Variants in GRIA2 observed in about 807,000 individuals in gnomAD.
The protein encoded by GRIA2 is glutamate receptor 2.
A neutral mutation model predicts 97.3 loss-of-function variants in GRIA2; 14 were observed. The observed-to-expected ratio is 0.14, with a 90% CI of 0.10 to 0.23. GRIA2 has a LOEUF of 0.23. Ranked by LOEUF, GRIA2 falls within the 10% of genes least tolerant of loss-of-function variation. The probability of loss-of-function intolerance (pLI) is 1.00; values close to 1 mark genes in which losing one functional copy is unlikely to be tolerated. For missense variants in GRIA2, 558 were observed against 1,069.8 expected (o/e 0.52, Z 6.67); for synonymous variants, 412 against 387.8 (o/e 1.06, Z -0.73).
intron 2 of GRIA2, among the ~76,000 whole-genome samples, chr4:157,264,403 C>A (rs1731677762): frequency 6.6e-6 from 1 of 152,032 alleles, no homozygotes; most frequent in African/African-American, 2.4e-5. Context: ...CCAAATCCTG[C>A]AATGGAAGGC....
chr4:157,256,175 TTA>T (rs1261080535), intron 2 of GRIA2, among the ~76,000 whole-genome samples: 22 of 137,752 alleles, frequency 1.6e-4, no homozygotes, highest in Admixed American at 7.0e-4. Context: ...ATGTTATATA[TTA>T]TATATAATAT....
intron 2 of GRIA2, among the ~76,000 whole-genome samples, chr4:157,255,506 A>G (rs1731201644): frequency 6.6e-6 from 1 of 152,050 alleles, no homozygotes; most frequent in South Asian, 2.1e-4. Flanking sequence ...GGGTTTTACT[A>G]GTTTATATTC....
At chr4:157,334,643 C>G (rs1735203139) in intron 9 of GRIA2, 1 of 152,574 alleles carries the variant, frequency 6.6e-6, no homozygotes, top group Non-Finnish European at 1.5e-5. Context: ...TGAACTGGAT[C>G]TTCAACACCC....
intron 6 of GRIA2, among the ~76,000 whole-genome samples, chr4:157,325,559 G>C (rs1734766405): frequency 6.6e-6 from 1 of 152,136 alleles, no homozygotes; most frequent in South Asian, 2.1e-4. Context: ...ATTGATGGAG[G>C]TTGTCTTATT....
At chr4:157,310,768 T>C (rs928912612) in intron 3 of GRIA2, among the ~76,000 whole-genome samples, 1 of 152,082 alleles carries the variant, frequency 6.6e-6, no homozygotes, top group Non-Finnish European at 1.5e-5. Context: ...ACTCTTAGAA[T>C]GTAATGCAGT....
At chr4:157,266,887 T>C (rs1264691468) in intron 2 of GRIA2, among the ~76,000 whole-genome samples, 2 of 151,832 alleles carry the variant, frequency 1.3e-5, no homozygotes, top group Non-Finnish European at 2.9e-5. Context: ...AGTGAGACTC[T>C]GTCTCTACAA....
At chr4:157,280,858 T>C (rs1253915072) in intron 2 of GRIA2, among the ~76,000 whole-genome samples, 1 of 152,020 alleles carries the variant, frequency 6.6e-6, no homozygotes, top group African/African-American at 2.4e-5. Context: ...TATTCTGAAC[T>C]ATTTAGTAAC....
intron 11 of GRIA2, 114 bp downstream of exon 11, chr4:157,336,861 T>C (rs1735309936): frequency 1.1e-6 from 1 of 896,468 alleles, no homozygotes; most frequent in Non-Finnish European, 1.7e-6. Context: ...GTCCAAGCAG[T>C]TTAAGACTCT....
intron 2 of GRIA2, among the ~76,000 whole-genome samples, chr4:157,281,325 G>T (rs1329255003): frequency 6.6e-6 from 1 of 151,996 alleles, no homozygotes; most frequent in Admixed American, 6.6e-5. Flanking sequence ...ACTTGGTCCT[G>T]TTTTTTGGGT....
chr4:157,223,044 C>T (rs548543629), intron 2 of GRIA2, among the ~76,000 whole-genome samples: 1 of 152,292 alleles, frequency 6.6e-6, no homozygotes, highest in South Asian at 2.1e-4. Context: ...GGCTCACTTC[C>T]CACTTTGGCT....
intron 3 of GRIA2, among the ~76,000 whole-genome samples, chr4:157,304,671 A>G (rs1202639748): frequency 6.6e-6 from 1 of 152,162 alleles, no homozygotes; most frequent in Non-Finnish European, 1.5e-5. Context: ...CTAGTACCTA[A>G]GTACCATACT....
intron 5 of GRIA2, among the ~76,000 whole-genome samples, chr4:157,320,952 A>C (rs1036816120): frequency 3.9e-5 from 6 of 152,150 alleles, no homozygotes; most frequent in African/African-American, 1.2e-4. Flanking sequence ...ATTGTTCTCA[A>C]ATAATGACTG....
At chr4:157,304,008 A>AG in intron 3 of GRIA2, among the ~76,000 whole-genome samples, 1 of 152,324 alleles carries the variant, frequency 6.6e-6, no homozygotes, top group South Asian at 2.1e-4. Flanking sequence ...TACAACTTAG[A>AG]GAGATAGACT....
intron 2 of GRIA2, among the ~76,000 whole-genome samples, chr4:157,277,638 C>A (rs1049504933): frequency 6.6e-6 from 1 of 151,144 alleles, no homozygotes; most frequent in Non-Finnish European, 1.5e-5. Flanking sequence ...TATGACCTGA[C>A]AAAATAAACT....
chr4:157,237,813 G>T (rs1304141823), intron 2 of GRIA2, among the ~76,000 whole-genome samples: 8 of 152,044 alleles, frequency 5.3e-5, no homozygotes, highest in African/African-American at 1.2e-4. Flanking sequence ...AGCCCAGAGG[G>T]ATAAATAAAG....
intron 6 of GRIA2, among the ~76,000 whole-genome samples, chr4:157,326,969 A>T (rs941770654): frequency 1.3e-5 from 2 of 152,148 alleles, no homozygotes; most frequent in Non-Finnish European, 2.9e-5. Context: ...TCACAGTCAG[A>T]CAAGAGACAA....
chr4:157,348,665 A>G (rs1475863386), intron 12 of GRIA2, among the ~76,000 whole-genome samples: 2 of 152,150 alleles, frequency 1.3e-5, no homozygotes, highest in Non-Finnish European at 2.9e-5. Context: ...ATAGTAGAGG[A>G]TGTTTTATAG....
At chr4:157,252,708 G>C (rs980760075) in intron 2 of GRIA2, among the ~76,000 whole-genome samples, 1 of 152,110 alleles carries the variant, frequency 6.6e-6, no homozygotes, top group Non-Finnish European at 1.5e-5. Flanking sequence ...GCACAAGATA[G>C]ACCAGTGGAT....
chr4:157,258,943 G>A (rs778455862), intron 2 of GRIA2, among the ~76,000 whole-genome samples: 3 of 152,092 alleles, frequency 2.0e-5, no homozygotes, highest in Non-Finnish European at 2.9e-5. Flanking sequence ...ACACCCAGTT[G>A]TGGTGGCTCA....
Sources: allele counts gnomAD v4.1 joint callset (sites outside exome capture counted in the v4.1 genomes callset), GRCh38; gene constraint gnomAD v4.1.1; transcripts MANE v1.5; gene names NCBI Gene and HGNC (gene_info 2026-07-23, HGNC 2026-07-21).